The following HFM1 variants were observed in gnomAD, a reference collection of about 807,000 sequenced individuals.
The protein encoded by HFM1 is probable ATP-dependent DNA helicase HFM1.
In HFM1, 169 loss-of-function variants were observed where a neutral mutation model predicts 192.1. The observed-to-expected ratio is 0.88, with a 90% CI of 0.78 to 1.00. The LOEUF (loss-of-function observed/expected upper bound fraction) is 1.00, where lower values mean the gene tolerates loss of function less well. HFM1 is among the 50% of genes least tolerant of loss of function. The pLI is 0.00. For missense variants in HFM1, 1,661 were observed against 1,668.0 expected (o/e 1.00, Z 0.07); for synonymous variants, 525 against 537.8 (o/e 0.98, Z 0.33).
At chr1:91,297,082 C>G (rs1045987694) in intron 30 of HFM1, among the ~76,000 whole-genome samples, 2 of 152,154 alleles carry the variant, frequency 1.3e-5, no homozygotes, top group Non-Finnish European at 2.9e-5. Context: ...AAAATCGGGT[C>G]ACTCCCACCC....
intron 2 of HFM1, among the ~76,000 whole-genome samples, chr1:91,400,630 C>A (rs1040958392): frequency 6.6e-6 from 1 of 152,040 alleles, no homozygotes; most frequent in Non-Finnish European, 1.5e-5. Flanking sequence ...TAGAGGCATG[C>A]GCCACCAGGC....
intron 32 of HFM1, 68 bp downstream of exon 32, chr1:91,276,556 TGACA>T (rs1344794957): frequency 1.5e-6 from 1 of 676,332 alleles, no homozygotes; most frequent in Non-Finnish European, 2.4e-6. Flanking sequence ...GATACCTAAT[TGACA>T]GACAGAACAA....
intron 30 of HFM1, among the ~76,000 whole-genome samples, chr1:91,290,561 G>A (rs576789909): frequency 4.6e-5 from 7 of 152,234 alleles, no homozygotes; most frequent in Admixed American, 1.3e-4. Context: ...CAAGTCCTGA[G>A]TGACCTACAA....
chr1:91,396,578 A>G, intron 2 of HFM1, among the ~76,000 whole-genome samples, 173 bp from the exon 3 acceptor site: 1 of 152,176 alleles, frequency 6.6e-6, no homozygotes, highest in Middle Eastern at 3.2e-3. Flanking sequence ...ACCCTTATAT[A>G]TCATAGGATT....
intron 35 of HFM1, 30 bp downstream of exon 35, chr1:91,267,715 G>T: frequency 1.0e-6 from 1 of 979,186 alleles, no homozygotes; most frequent in Non-Finnish European, 1.5e-6. Flanking sequence ...AATTCCTAAT[G>T]AAATGATTGC....
At chr1:91,363,574 T>C (rs909975821) in intron 13 of HFM1, among the ~76,000 whole-genome samples, 1 of 150,894 alleles carries the variant, frequency 6.6e-6, no homozygotes, top group South Asian at 2.1e-4. Flanking sequence ...AAAGGAACGC[T>C]TTTACACTGT....
At chr1:91,381,934 T>C (rs942755186) in intron 6 of HFM1, among the ~76,000 whole-genome samples, 3 of 152,140 alleles carry the variant, frequency 2.0e-5, no homozygotes, top group African/African-American at 7.2e-5. Context: ...AATTCCTCCC[T>C]TTCTCTCAAA....
At chr1:91,276,116 C>G (rs1431332607) in intron 32 of HFM1, among the ~76,000 whole-genome samples, 1 of 152,076 alleles carries the variant, frequency 6.6e-6, no homozygotes, top group Non-Finnish European at 1.5e-5. Flanking sequence ...AATCTCTATG[C>G]TTGGAATATT....
At chr1:91,361,202 G>A (rs1221346533) in intron 13 of HFM1, among the ~76,000 whole-genome samples, 2 of 150,136 alleles carry the variant, frequency 1.3e-5, no homozygotes, top group Non-Finnish European at 3.0e-5. Context: ...GATCAGAGCT[G>A]AACCGAAGGA....
At chr1:91,380,648 G>C (rs1661446947) in intron 7 of HFM1, among the ~76,000 whole-genome samples, 1 of 152,108 alleles carries the variant, frequency 6.6e-6, no homozygotes, top group Non-Finnish European at 1.5e-5. Context: ...CAGTTACTTG[G>C]GTGGCTGAGG....
At chr1:91,350,672 A>C in intron 18 of HFM1, 66 bp downstream of exon 18, 2 of 1,439,652 alleles carry the variant, frequency 1.4e-6, no homozygotes, top group South Asian at 2.4e-5. Flanking sequence ...CCTGTAACTT[A>C]TTAGTATAAA....
chr1:91,321,744 T>A (rs1652147071), intron 23 of HFM1, among the ~76,000 whole-genome samples: 1 of 152,168 alleles, frequency 6.6e-6, no homozygotes, highest in Admixed American at 6.5e-5. Flanking sequence ...ATCTAAATTA[T>A]GATATGTATA....
chr1:91,322,030 A>G (rs1172971998), intron 23 of HFM1, among the ~76,000 whole-genome samples: 2 of 152,238 alleles, frequency 1.3e-5, no homozygotes, highest in East Asian at 1.9e-4. Flanking sequence ...CATCGTTTGT[A>G]AAATGAGAGG....
intron 19 of HFM1, among the ~76,000 whole-genome samples, chr1:91,346,552 C>T (rs1205423063): frequency 6.6e-6 from 1 of 152,060 alleles, no homozygotes; most frequent in African/African-American, 2.4e-5. Context: ...CATGTATATC[C>T]AAGTAGAGAA....
At position 91,385,821 on chromosome 1, in the gene HFM1, ATATTT is replaced by A. The variant is rs1662134103; in HGVS notation, c.503_507del (p.Lys168IlefsTer2). 2 of 1,593,360 alleles carry A rather than the reference ATATTT, an allele frequency of 1.3e-6. No homozygotes were observed. Among genetic ancestry groups the A allele is most frequent in the Admixed American group, 3.5e-5 (2 of 56,970 alleles). ...TAAGCACTCCCATGTATATTGTCAG[ATATTT>A]TAAATAATCTGCAAACAAAAAAAAG... On this transcript the variant is annotated frameshift_variant, in exon 5 of 39. Transcript: ENST00000370425. LOFTEE classifies it high-confidence loss of function.
At chr1:91,318,883 T>C (rs1005014114) in intron 25 of HFM1, among the ~76,000 whole-genome samples, 195 bp downstream of exon 25, 5 of 152,192 alleles carry the variant, frequency 3.3e-5, no homozygotes, top group Admixed American at 6.5e-5. Flanking sequence ...TCATGTATCA[T>C]TCAGTTGATT....
chr1:91,355,432 GA>G lies in HFM1; in HGVS notation c.1686-2134del, dbSNP rs35918513. On this transcript the variant is annotated intron_variant, in intron 13 of 38. Coordinates refer to ENST00000370425, the MANE Select transcript of HFM1 (RefSeq NM_001017975.6). ...ACATATAGTGTCTAAATTGATAGAA[GA>G]AAAAAAAAAAACCAAGATCCAACTA... Among the ~76,000 whole-genome samples the G allele has an allele frequency of 2.0e-3, 286 of 142,768 alleles. 2 individuals are homozygous for G. The highest frequency in any genetic ancestry group is 6.4e-3 in the African/African-American group (248 of 38,570). The allele number at this position is 142,768 out of a possible 152,430, so 93.7% of individuals were successfully genotyped here.
chr1:91,406,134 T>C (rs1461195451), upstream of HFM1, among the ~76,000 whole-genome samples: 1 of 152,188 alleles, frequency 6.6e-6, no homozygotes, highest in Non-Finnish European at 1.5e-5. Flanking sequence ...TTTCCTACCA[T>C]GTGAGGATAC....
rs896171176 is a variant in HFM1, at chr1:91,385,931, T to C, written c.495-97A>G. On this transcript the variant is annotated intron_variant, in intron 4 of 38. Coordinates refer to ENST00000370425, the MANE Select transcript of HFM1 (RefSeq NM_001017975.6). The stretch of plus-strand genomic sequence containing the variant: ...AAATTGGCCCCCTTAAAAACACTCA[T>C]AGATTATGGTTTACTCAAACAAAAA... 28 of 943,820 alleles carry C rather than the reference T, an allele frequency of 3.0e-5. No individual in the cohort carries two copies. The African/African-American group carries it at 4.6e-4, about 16-fold the overall frequency. 58.5% of individuals were successfully genotyped at this position (943,820 alleles called of 1,614,324 possible).
Sources: allele counts gnomAD v4.1 joint callset (sites outside exome capture counted in the v4.1 genomes callset), GRCh38; gene constraint gnomAD v4.1.1; transcripts MANE v1.5; gene names NCBI Gene and HGNC (gene_info 2026-07-23, HGNC 2026-07-21).